PDE4D: variants seen among roughly 807,000 people sequenced by gnomAD.
The protein encoded by PDE4D is 3',5'-cyclic-AMP phosphodiesterase 4D.
In PDE4D, 24 loss-of-function variants were observed where a neutral mutation model predicts 87.4. The observed-to-expected ratio is 0.27, with a 90% CI of 0.20 to 0.39. The LOEUF is 0.39. PDE4D is among the 10% of genes least tolerant of loss of function. The pLI is 1.00. For synonymous variants in PDE4D, 384 were observed against 383.2 expected (o/e 1.00, Z -0.02); for missense variants, 714 against 1,041.0 (o/e 0.69, Z 4.32).
intron 3 of PDE4D, among the ~76,000 whole-genome samples, chr5:59,189,940 T>C (rs189785193): frequency 5.9e-5 from 9 of 152,342 alleles, no homozygotes; most frequent in African/African-American, 2.2e-4. Flanking sequence ...GGATAAACTA[T>C]GGAGAGATAC....
At chr5:60,060,091 A>G (rs1771226152) in intron 2 of PDE4D, among the ~76,000 whole-genome samples, 1 of 152,086 alleles carries the variant, frequency 6.6e-6, no homozygotes, top group Non-Finnish European at 1.5e-5. Flanking sequence ...TAATTTGGAG[A>G]AGAGAAGAAA....
chr5:60,009,947 A>G (rs1163536849), intron 2 of PDE4D, among the ~76,000 whole-genome samples: 1 of 152,082 alleles, frequency 6.6e-6, no homozygotes, highest in Non-Finnish European at 1.5e-5. Flanking sequence ...TATGTGGCTA[A>G]TGGCAGTTGG....
At chr5:60,242,087 A>G (rs965272862) in intron 1 of PDE4D, among the ~76,000 whole-genome samples, 1 of 152,124 alleles carries the variant, frequency 6.6e-6, no homozygotes, top group African/African-American at 2.4e-5. Flanking sequence ...ATTGCCTATA[A>G]TAAACACACT....
intron 1 of PDE4D, among the ~76,000 whole-genome samples, chr5:59,392,135 G>A (rs1276882693): frequency 6.6e-6 from 1 of 151,832 alleles, no homozygotes; most frequent in South Asian, 2.1e-4. Context: ...GTGAACTTGA[G>A]TGGATGGAAG....
intron 6 of PDE4D, among the ~76,000 whole-genome samples, chr5:59,015,888 T>C (rs983176542): frequency 2.6e-5 from 4 of 152,134 alleles, no homozygotes; most frequent in Admixed American, 6.5e-5. Context: ...TGTCCACCAA[T>C]GATAGACTGG....
chr5:60,291,993 T>C (rs1055988439), intron 1 of PDE4D, among the ~76,000 whole-genome samples: 3 of 152,170 alleles, frequency 2.0e-5, no homozygotes, highest in Non-Finnish European at 4.4e-5. Context: ...ACAGACTTTT[T>C]CGTTACATAG....
chr5:60,263,008 C>T (rs989685811), intron 1 of PDE4D, among the ~76,000 whole-genome samples: 1 of 152,180 alleles, frequency 6.6e-6, no homozygotes, highest in Non-Finnish European at 1.5e-5. Context: ...ATATTATAAA[C>T]AAAAACTCAG....
chr5:59,722,606 T>C (rs528725373), intron 1 of PDE4D, among the ~76,000 whole-genome samples: 7 of 152,266 alleles, frequency 4.6e-5, no homozygotes, highest in Admixed American at 4.6e-4. Context: ...TTATTATCTA[T>C]AAGAAATCTA....
intron 4 of PDE4D, among the ~76,000 whole-genome samples, chr5:59,184,692 G>A (rs763942620): frequency 6.6e-6 from 1 of 151,978 alleles, no homozygotes. Flanking sequence ...TCTTTCAAAT[G>A]CTTTCCCTGT....
At chr5:59,029,229 A>G (rs13355507) in intron 6 of PDE4D, among the ~76,000 whole-genome samples, 26,960 of 147,102 alleles carry the variant, frequency 0.18, 2,736 homozygotes, top group East Asian at 0.48. Flanking sequence ...TGGCTAACAC[A>G]GTGAAACCCC....
At chr5:59,444,776 C>T (rs866901375) in intron 1 of PDE4D, among the ~76,000 whole-genome samples, 4 of 152,258 alleles carry the variant, frequency 2.6e-5, no homozygotes, top group Middle Eastern at 3.4e-3. Context: ...CGCCCCACTG[C>T]ACTCCAGCCT....
intron 1 of PDE4D, among the ~76,000 whole-genome samples, chr5:59,444,212 T>G (rs143062592): frequency 6.6e-6 from 1 of 152,086 alleles, no homozygotes; most frequent in East Asian, 1.9e-4. Context: ...TTCTCTGGGG[T>G]TTTTCTAAAG....
intron 1 of PDE4D, among the ~76,000 whole-genome samples, chr5:59,364,120 T>C (rs529425424): frequency 3.4e-4 from 52 of 152,334 alleles, no homozygotes; most frequent in South Asian, 1.2e-3. Context: ...TAACAGAATA[T>C]ATAAAACTTA....
At chr5:60,459,730 C>A in intron 1 of PDE4D, 1 of 380,966 alleles carries the variant, frequency 2.6e-6, no homozygotes. Flanking sequence ...TGGTGTAGAG[C>A]AAAGAGACCT....
intron 1 of PDE4D, among the ~76,000 whole-genome samples, chr5:59,221,041 A>G (rs550937536): frequency 6.6e-6 from 1 of 152,222 alleles, no homozygotes; most frequent in African/African-American, 2.4e-5. Context: ...ATCTCATTTA[A>G]TCCTCACAAT....
intron 1 of PDE4D, among the ~76,000 whole-genome samples, chr5:59,713,901 G>C (rs1398926588): frequency 2.0e-5 from 3 of 152,204 alleles, no homozygotes; most frequent in Non-Finnish European, 4.4e-5. Flanking sequence ...GCACAGGCAG[G>C]GTGCCTGGAG....
At position 60,356,649 on chromosome 5, in the gene PDE4D, A is replaced by G. The variant is rs150833207; in HGVS notation, c.-90+131293T>C. Among the ~76,000 whole-genome samples, 586 of 152,196 alleles carry G rather than the reference A, an allele frequency of 3.9e-3. 5 individuals carry two copies. The highest frequency in any genetic ancestry group is 0.014 in the African/African-American group (569 of 41,538). ...TACTAGTTTTCCTTCTTTTCCCCCC[A>G]CTTTAAAAAGTTATTTTCTCATCAT... is the stretch of plus-strand genomic sequence containing the variant. On this transcript the variant is annotated intron_variant, in intron 1 of 16. Transcript: ENST00000502484.
At chr5:59,976,607 C>T (rs563646706) in intron 3 of PDE4D, among the ~76,000 whole-genome samples, 1 of 152,270 alleles carries the variant, frequency 6.6e-6, no homozygotes, top group East Asian at 1.9e-4. Flanking sequence ...CCAAATAAAT[C>T]TCTTTTCTTT....
chr5:59,416,382 C>A (rs910630721), intron 1 of PDE4D, among the ~76,000 whole-genome samples: 1 of 152,032 alleles, frequency 6.6e-6, no homozygotes, highest in Non-Finnish European at 1.5e-5. Flanking sequence ...CTGGGTGTAG[C>A]CTGTATGCCT....
Sources: allele counts gnomAD v4.1 joint callset (sites outside exome capture counted in the v4.1 genomes callset), GRCh38; gene constraint gnomAD v4.1.1; transcripts MANE v1.5; gene names NCBI Gene and HGNC (gene_info 2026-07-23, HGNC 2026-07-21).